APBA2: variants seen among roughly 807,000 people sequenced by gnomAD.
The protein encoded by APBA2 is amyloid beta precursor protein binding family A member 2.
A neutral mutation model predicts 75.0 loss-of-function variants in APBA2; 30 were observed. The ratio of observed to expected loss-of-function variants is 0.40; its 90% CI spans 0.30 to 0.54. The LOEUF is 0.54. APBA2 is among the 20% of genes least tolerant of loss of function. The probability of loss-of-function intolerance (pLI) is 0.49; values close to 1 mark genes in which losing one functional copy is unlikely to be tolerated. For synonymous variants in APBA2, 444 were observed against 409.6 expected, an observed-to-expected ratio of 1.08 and a Z score of -1.01; for missense variants, 801 against 1,016.1, an observed-to-expected ratio of 0.79 and a Z score of 2.88.
At chr15:28,906,342 G>A (rs2033132011) in intron 1 of APBA2, among the ~76,000 whole-genome samples, 1 of 152,184 alleles carries the variant, frequency 6.6e-6, no homozygotes, top group African/African-American at 2.4e-5. Flanking sequence ...GGATAAAGCT[G>A]GAAGCAGCAT....
rs137953950 is a variant in APBA2, at chr15:29,031,889, C to A, written c.-40-21956C>A. ...GAAGTTCAGCTGGCTTCACCTCTCA[C>A]AACCACCCCAAGAAAGTTGAGGGTG... On this transcript the variant is annotated intron_variant, in intron 3 of 14. Coordinates refer to ENST00000683413, the MANE Select transcript of APBA2 (RefSeq NM_001353788.2). Among the ~76,000 whole-genome samples, 970 of 152,358 alleles carry A rather than the reference C, an allele frequency of 6.4e-3. 5 individuals carry two copies. The highest frequency in any genetic ancestry group is 0.017 in the Middle Eastern group (5 of 294).
intron 2 of APBA2, among the ~76,000 whole-genome samples, chr15:28,935,946 G>A (rs147253106): frequency 2.3e-4 from 35 of 152,152 alleles, no homozygotes; most frequent in Admixed American, 1.8e-3. Flanking sequence ...CACCAGAGTG[G>A]TGAAATGCAG....
chr15:29,116,132 G>A (rs914012805), intron 14 of APBA2, among the ~76,000 whole-genome samples: 10 of 152,148 alleles, frequency 6.6e-5, no homozygotes, highest in African/African-American at 2.4e-4. Context: ...TACAAGGCGC[G>A]CCACCCACAC....
chr15:28,971,434 C>T (rs74676381), intron 2 of APBA2, among the ~76,000 whole-genome samples: 8,091 of 152,228 alleles, frequency 0.053, 285 homozygotes, highest in Middle Eastern at 0.1. Context: ...GCCAGAGCCC[C>T]GAGCCATCAG....
intron 2 of APBA2, among the ~76,000 whole-genome samples, chr15:28,948,961 C>T (rs1014513329): frequency 1.3e-5 from 2 of 151,890 alleles, no homozygotes; most frequent in Non-Finnish European, 2.9e-5. Context: ...GGTGGGGCAG[C>T]CAGCAAGTCC....
At chr15:29,019,114 G>T (rs1052162662) in intron 3 of APBA2, among the ~76,000 whole-genome samples, 1 of 152,190 alleles carries the variant, frequency 6.6e-6, no homozygotes, top group African/African-American at 2.4e-5. Context: ...AAAAAAGTAA[G>T]CAGAGGACAG....
chr15:29,091,744 G>A (rs965265122), intron 6 of APBA2, among the ~76,000 whole-genome samples: 12 of 152,174 alleles, frequency 7.9e-5, no homozygotes, highest in African/African-American at 2.9e-4. Context: ...CCCAAGCTGG[G>A]CCAGTTGATG....
At chr15:28,989,638 G>A (rs1207501104) in intron 2 of APBA2, among the ~76,000 whole-genome samples, 1 of 152,180 alleles carries the variant, frequency 6.6e-6, no homozygotes, top group Non-Finnish European at 1.5e-5. Context: ...TCCAGGGGGT[G>A]CCTGGGAATT....
intron 1 of APBA2, among the ~76,000 whole-genome samples, chr15:28,891,042 C>T (rs2032095844): frequency 6.6e-6 from 1 of 152,168 alleles, no homozygotes; most frequent in African/African-American, 2.4e-5. Flanking sequence ...GAACTTCCTG[C>T]ATTGAGTGAC....
In APBA2 at chr15:28,897,649, C is replaced by T. The variant is rs1324573321; in HGVS notation, c.-205+11371C>T. ...AAAAAAAAAAAAAAGAGAAAAAGAG[C>T]AGAAAATAGCAGGTGTCGGTGAGGA... On this transcript the variant is annotated intron_variant, in intron 1 of 14. Transcript: ENST00000683413. Among the ~76,000 whole-genome samples, 3 of 142,742 alleles carry T rather than the reference C, an allele frequency of 2.1e-5. No individual in the cohort carries two copies. In the South Asian group the frequency reaches 6.6e-4, roughly 31 times the overall value. The allele number at this position is 142,742 out of a possible 152,430, so 93.6% of individuals were successfully genotyped here.
intron 3 of APBA2, among the ~76,000 whole-genome samples, chr15:29,014,909 T>C (rs2039582182): frequency 1.3e-5 from 2 of 152,150 alleles, no homozygotes; most frequent in South Asian, 4.1e-4. Flanking sequence ...CATGTGTTTT[T>C]TCCTGTCACC....
chr15:29,033,492 C>A (rs1370079327), intron 3 of APBA2, among the ~76,000 whole-genome samples: 1 of 152,160 alleles, frequency 6.6e-6, no homozygotes, highest in African/African-American at 2.4e-5. Context: ...GACACCAGCC[C>A]CAAATTCAGG....
chr15:29,050,779 A>T (rs917853701), intron 3 of APBA2, among the ~76,000 whole-genome samples: 1 of 152,160 alleles, frequency 6.6e-6, no homozygotes, highest in African/African-American at 2.4e-5. Flanking sequence ...AATGACAGAG[A>T]TTTTGAAGTT....
Position 28,944,041 on chromosome 15 carries a change from C to T in APBA2, c.-95+22292C>T, listed in dbSNP as rs575296773. Among the ~76,000 whole-genome samples, 100 of 152,232 alleles carry T rather than the reference C, an allele frequency of 6.6e-4. 1 individual carries two copies. Among genetic ancestry groups the T allele is most frequent in the African/African-American group, 2.3e-3 (97 of 41,540 alleles). On this transcript the variant is annotated intron_variant, in intron 2 of 14. Transcript: ENST00000683413. ...ACCTTGCATCCTGCCACCTCTGGCCCACTCTCCACCCTGGCCTACTCTTCA... is the reference window on the plus strand; with the variant it reads ...ACCTTGCATCCTGCCACCTCTGGCCTACTCTCCACCCTGGCCTACTCTTCA...
At chr15:29,114,147 C>A in intron 14 of APBA2, 131 bp downstream of exon 14, 1 of 1,369,520 alleles carries the variant, frequency 7.3e-7, no homozygotes, top group Non-Finnish European at 1.0e-6. Flanking sequence ...CCCATCGGGG[C>A]TGCTGTGACA....
intron 3 of APBA2, among the ~76,000 whole-genome samples, chr15:29,006,773 C>T (rs1279237642): frequency 1.3e-5 from 2 of 152,166 alleles, no homozygotes; most frequent in South Asian, 2.1e-4. Flanking sequence ...CCACCCTTGA[C>T]GTGAGGATTA....
rs554569307 is a variant in APBA2, at chr15:28,985,246, C to T, written c.-94-10507C>T. Among the ~76,000 whole-genome samples, 7 of 152,290 alleles carry T rather than the reference C, an allele frequency of 4.6e-5. No individual in the cohort carries two copies. In the South Asian group the frequency reaches 8.3e-4, roughly 18 times the overall value. On this transcript the variant is annotated intron_variant, in intron 2 of 14. Transcript: ENST00000683413. ...GCTCTGTGGCTGCACTGCAGGGGCA[C>T]GGGCTCAGCATGTTCTGGGCCAGGG... is the stretch of plus-strand genomic sequence containing the variant.
chr15:29,117,048 G>A lies in APBA2; in HGVS notation c.2179-14G>A. ...TGGGAGGGCAGCGGCTCAGCCTCCT[G>A]TTTCTGTCCGCAGATCCACATGAAG... On this transcript the variant is annotated splice_polypyrimidine_tract_variant and intron_variant, in intron 14 of 14. Transcript: ENST00000683413. 6.2e-7 allele frequency: 1 copy of A among 1,613,038 alleles called. No individual in the cohort carries two copies. Among genetic ancestry groups the A allele is most frequent in the Non-Finnish European group, 8.5e-7 (1 of 1,179,830 alleles).
At chr15:28,925,811 G>A (rs143434509) in intron 2 of APBA2, among the ~76,000 whole-genome samples, 13 of 152,206 alleles carry the variant, frequency 8.5e-5, no homozygotes, top group African/African-American at 2.4e-4. Flanking sequence ...TTCTCATTTA[G>A]AATTAAAATT....
Sources: allele counts gnomAD v4.1 joint callset (sites outside exome capture counted in the v4.1 genomes callset), GRCh38; gene constraint gnomAD v4.1.1; transcripts MANE v1.5; gene names NCBI Gene and HGNC (gene_info 2026-07-23, HGNC 2026-07-21).